The following NXN variants were observed in gnomAD, a reference collection of about 807,000 sequenced individuals.
NXN encodes nucleoredoxin.
A neutral mutation model predicts 48.6 loss-of-function variants in NXN; 16 were observed. The ratio of observed to expected loss-of-function variants is 0.33; its 90% CI spans 0.22 to 0.50. The LOEUF (loss-of-function observed/expected upper bound fraction) is 0.50. Ranked by LOEUF, NXN falls within the 20% of genes least tolerant of loss-of-function variation. The pLI is 0.98. For missense variants in NXN, 492 were observed against 605.5 expected, an observed-to-expected ratio of 0.81 and a Z score of 1.97; for synonymous variants, 281 against 269.6, an observed-to-expected ratio of 1.04 and a Z score of -0.41.
chr17:822,540 G>C, intron 3 of NXN, 83 bp from the exon 4 acceptor site: 2 of 1,005,458 alleles, frequency 2.0e-6, no homozygotes, highest in Non-Finnish European at 3.1e-6. Context: ...CGGGTTAGCA[G>C]GACTCAAGCA....
intron 5 of NXN, among the ~76,000 whole-genome samples, chr17:811,417 T>C (rs941793500): frequency 2.6e-5 from 4 of 151,754 alleles, no homozygotes; most frequent in Admixed American, 2.0e-4. Flanking sequence ...GTCTGTCTTC[T>C]GCCAGGTGTG....
chr17:971,245 C>G (rs373209305), intron 1 of NXN, among the ~76,000 whole-genome samples: 1 of 151,758 alleles, frequency 6.6e-6, no homozygotes, highest in Non-Finnish European at 1.5e-5. Flanking sequence ...CGCGCGTGGC[C>G]GAGTCTCTTT....
intron 1 of NXN, among the ~76,000 whole-genome samples, chr17:937,484 C>G (rs992860685): frequency 1.3e-5 from 2 of 152,134 alleles, no homozygotes; most frequent in Non-Finnish European, 2.9e-5. Context: ...TCAGGGAAAA[C>G]AGGTGGGGAG....
intron 1 of NXN, among the ~76,000 whole-genome samples, chr17:854,239 G>A (rs2067959927): frequency 1.3e-5 from 2 of 152,178 alleles, no homozygotes; most frequent in African/African-American, 4.8e-5. Flanking sequence ...TTCTCACTAA[G>A]GTTTTCTGGA....
intron 5 of NXN, among the ~76,000 whole-genome samples, chr17:812,966 T>G (rs964946854): frequency 1.4e-5 from 2 of 145,832 alleles, no homozygotes; most frequent in East Asian, 2.0e-4. Context: ...GTGTGCATGT[T>G]TGTAGGTGTG....
At chr17:802,468 G>A (rs567939381) in intron 7 of NXN, among the ~76,000 whole-genome samples, 22 of 152,314 alleles carry the variant, frequency 1.4e-4, no homozygotes, top group African/African-American at 4.8e-4. Flanking sequence ...TGAAATATGC[G>A]GCTCTGTGCC....
At position 867,003 on chromosome 17, in the gene NXN, C is replaced by T. The variant is rs925114998; in HGVS notation, c.361-40925G>A. ...CGGGGTTCTCCGGGGAATTCTCCAGCTTGGTCAGCAAGTTCTCGGGGTTCT... is the reference window on the plus strand; with the variant it reads ...CGGGGTTCTCCGGGGAATTCTCCAGTTTGGTCAGCAAGTTCTCGGGGTTCT... On this transcript the variant is annotated intron_variant, in intron 1 of 7. Transcript: ENST00000336868. 4.0e-5 allele frequency among the ~76,000 whole-genome samples: 6 copies of T among 151,062 alleles called. No individual in the cohort carries two copies. The East Asian group carries it at 1.2e-3, about 30-fold the overall frequency.
At chr17:895,795 G>GCGACAGAGCAAGAC (rs1567853109) in intron 1 of NXN, among the ~76,000 whole-genome samples, 7 of 120,282 alleles carry the variant, frequency 5.8e-5, no homozygotes, top group South Asian at 2.6e-4. Flanking sequence ...TCCAGCCTGG[G>GCGACAGAGCAAGAC]TTTTGTTTGT....
intron 1 of NXN, among the ~76,000 whole-genome samples, chr17:854,749 A>C (rs2144760224): frequency 6.6e-6 from 1 of 152,082 alleles, no homozygotes; most frequent in East Asian, 1.9e-4. Flanking sequence ...ACCTGAGGTA[A>C]GGAATTTGAG....
At chr17:876,199 GA>G (rs1567844155) in intron 1 of NXN, among the ~76,000 whole-genome samples, 2 of 127,336 alleles carry the variant, frequency 1.6e-5, no homozygotes, top group African/African-American at 7.0e-5. Context: ...AGAAAAAAAA[GA>G]AAAGAAAGAA....
Position 823,679 on chromosome 17 carries a change from T to C in NXN, c.565A>G (p.Ser189Gly), listed in dbSNP as rs144575469. 1 of 1,614,172 alleles carries C rather than the reference T, an allele frequency of 6.2e-7. No homozygotes were observed. Among genetic ancestry groups the C allele is most frequent in the South Asian group, 1.1e-5 (1 of 91,082 alleles). Residue 189 changes from serine (S) to glycine (G), a missense_variant, in exon 3 of 8, where the codon AGC (serine) becomes GGC (glycine). Ser to Gly is a moderately conservative substitution (Grantham distance 56). Around this residue, in one of 3 missense-constraint regions of NXN, gnomAD observed 303 missense variants for 388.3 expected, o/e 0.78. Coordinates refer to ENST00000336868, the MANE Select transcript of NXN (RefSeq NM_022463.5). ...LRNNGQSLES[S>G]SLEGSHVGVY... ...CCCACGTGAGACCCCTCCAGGCTGC[T>C]GCTCTCCAGAGACTGCCCATTGTTT... is the stretch of plus-strand genomic sequence containing the variant.
chr17:976,489 C>G (rs1234375573), intron 1 of NXN, among the ~76,000 whole-genome samples: 1 of 152,126 alleles, frequency 6.6e-6, no homozygotes, highest in Non-Finnish European at 1.5e-5. Flanking sequence ...AATTAGCAAT[C>G]TGGAACTCTG....
In NXN at chr17:979,346, C is replaced by A; in HGVS notation, c.333G>T (p.Ala111=). The A allele has an allele frequency of 6.5e-7, 1 of 1,534,704 alleles. No homozygotes were observed. The highest frequency in any genetic ancestry group is 8.7e-7 in the Non-Finnish European group (1 of 1,146,250). The change falls in exon 1 of 8, where the codon GCG becomes GCT. Residue 111 remains alanine, a synonymous_variant. Coordinates refer to ENST00000336868, the MANE Select transcript of NXN (RefSeq NM_022463.5). The part of the protein sequence containing the change: ...QDFVRDMPWL[A]LPYKEKHRKL... ...TCCTGTGCTTCTCCTTGTAGGGCAG[C>A]GCCAGCCACGGCATGTCCCGCACGA...
At chr17:880,276 G>C (rs2068269343) in intron 1 of NXN, among the ~76,000 whole-genome samples, 1 of 152,070 alleles carries the variant, frequency 6.6e-6, no homozygotes, top group Non-Finnish European at 1.5e-5. Context: ...GGAGGAGTGA[G>C]GGAGGCGTCT....
rs1456161033 is a variant in NXN, at chr17:884,795, C to T, written c.361-58717G>A. 4.6e-5 allele frequency among the ~76,000 whole-genome samples: 7 copies of T among 152,312 alleles called. No homozygotes were observed. In the East Asian group the frequency reaches 9.6e-4, roughly 21 times the overall value. On this transcript the variant is annotated intron_variant, in intron 1 of 7. Transcript: ENST00000336868. ...GCTAAACGGAGCTGAAGACGGATCC[C>T]AAGTGTCTCAACAGCTCTGGATGTC...
At position 895,794 on chromosome 17, in the gene NXN, GGTTTTGTT is replaced by G. The variant is rs1180672769; in HGVS notation, c.361-69724_361-69717del. Reference sequence around the variant, plus strand: ...GATCGCACCACTGCACTCCAGCCTGGGTTTTGTTTGTCTCAAAAACAAACAAACAAACA... The same window carrying G: ...GATCGCACCACTGCACTCCAGCCTGGTGTCTCAAAAACAAACAAACAAACA... On this transcript the variant is annotated intron_variant, in intron 1 of 7. Transcript: ENST00000336868. Among the ~76,000 whole-genome samples the G allele has an allele frequency of 2.9e-3, 365 of 127,342 alleles. 4 individuals are homozygous for G. The highest frequency in any genetic ancestry group is 0.012 in the African/African-American group (350 of 28,158). The allele number at this position is 127,342 out of a possible 152,430, so 83.5% of individuals were successfully genotyped here.
chr17:947,453 C>T (rs1218527430), intron 1 of NXN, among the ~76,000 whole-genome samples: 3 of 151,970 alleles, frequency 2.0e-5, no homozygotes, highest in Admixed American at 6.6e-5. Flanking sequence ...ATATTCAGGG[C>T]TCGGCGTGGT....
intron 7 of NXN, among the ~76,000 whole-genome samples, chr17:803,401 C>T (rs768175374): frequency 3.3e-5 from 5 of 152,150 alleles, no homozygotes; most frequent in Admixed American, 1.3e-4. Flanking sequence ...TTTGCAGCCA[C>T]GGCCACTCTC....
chr17:853,723 ATT>A (rs1221156589), intron 1 of NXN, among the ~76,000 whole-genome samples: 70 of 105,970 alleles, frequency 6.6e-4, no homozygotes, highest in East Asian at 4.7e-3. Flanking sequence ...ATATATATAT[ATT>A]TTTTTTTTTT....
Sources: allele counts gnomAD v4.1 joint callset (sites outside exome capture counted in the v4.1 genomes callset), GRCh38; gene constraint gnomAD v4.1.1; regional missense constraint gnomAD v4.1.1; transcripts MANE v1.5; gene names NCBI Gene and HGNC (gene_info 2026-07-23, HGNC 2026-07-21).